CSMD1: variants seen among roughly 807,000 people sequenced by gnomAD.
CSMD1 encodes CUB and sushi domain-containing protein 1.
Under a neutral mutation model 417.5 loss-of-function variants are expected in CSMD1, and 213 were observed. That is an observed-to-expected ratio of 0.51 (90% CI 0.46 to 0.57). CSMD1 has a LOEUF of 0.57. Among genes scored for constraint, CSMD1 ranks in the 20% least tolerant of loss-of-function variants. The pLI is 0.00. For missense variants in CSMD1, 6,923 were observed against 4,529.7 expected (o/e 1.53, Z -15.17); for synonymous variants, 2,862 against 1,736.8 (o/e 1.65, Z -16.11).
intron 6 of CSMD1, among the ~76,000 whole-genome samples, chr8:3,737,036 C>T (rs974950369): frequency 6.6e-6 from 1 of 152,104 alleles, no homozygotes; most frequent in Non-Finnish European, 1.5e-5. Flanking sequence ...ATGATTACGT[C>T]CAATTATAAA....
chr8:4,032,971 A>G (rs72624059), intron 3 of CSMD1, among the ~76,000 whole-genome samples: 22,622 of 151,776 alleles, frequency 0.15, 2,399 homozygotes, highest in East Asian at 0.38. Context: ...TCCGATACGA[A>G]ACACTGACAA....
rs1202277401 is a variant in CSMD1, at chr8:3,998,168, G to C, written c.611-58C>G. 7.0e-6 allele frequency: 10 copies of C among 1,436,194 alleles called. No individual in the cohort carries two copies. The Admixed American group carries it at 8.1e-5, about 12-fold the overall frequency. 89.0% of individuals were successfully genotyped at this position (1,436,194 alleles called of 1,614,324 possible). On this transcript the variant is annotated intron_variant, in intron 4 of 69. Transcript: ENST00000635120. ...ATTTCAGGATGGTTTTCATACACGA[G>C]TGTGTCCACCAAGTGTCACTCTTGA... is the stretch of plus-strand genomic sequence containing the variant.
intron 50 of CSMD1, among the ~76,000 whole-genome samples, chr8:3,032,516 G>A (rs1379036976): frequency 3.9e-5 from 6 of 151,996 alleles, no homozygotes; most frequent in Non-Finnish European, 5.9e-5. Flanking sequence ...ATAAAATAAT[G>A]TGGCAAAAAT....
At chr8:3,068,779 C>T (rs73494476) in intron 49 of CSMD1, among the ~76,000 whole-genome samples, 4 of 152,080 alleles carry the variant, frequency 2.6e-5, no homozygotes, top group Non-Finnish European at 5.9e-5. Flanking sequence ...AGCAATAAGT[C>T]GTGAGGGATC....
chr8:3,196,835 G>C (rs910533279), intron 33 of CSMD1, among the ~76,000 whole-genome samples: 3 of 152,122 alleles, frequency 2.0e-5, no homozygotes, highest in African/African-American at 4.8e-5. Flanking sequence ...AGTGGATAAT[G>C]ACCATGCCCG....
chr8:3,677,394 C>A (rs1306365020), intron 7 of CSMD1, among the ~76,000 whole-genome samples: 1 of 151,950 alleles, frequency 6.6e-6, no homozygotes, highest in Non-Finnish European at 1.5e-5. Context: ...GAAAACATAC[C>A]CAGTTCAAGG....
chr8:4,137,540 G>C lies in CSMD1; in HGVS notation c.416-105441C>G, dbSNP rs1426817288. Among the ~76,000 whole-genome samples the C allele has an allele frequency of 3.0e-5, 4 of 131,148 alleles. 2 individuals are homozygous for C. Among genetic ancestry groups the C allele is most frequent in the South Asian group, 5.1e-4 (2 of 3,928 alleles). 86.0% of individuals were successfully genotyped at this position (131,148 alleles called of 152,430 possible). A position where few individuals can be genotyped will look rare whatever the true frequency, so the allele number is the denominator to read the frequency against. On this transcript the variant is annotated intron_variant, in intron 3 of 69. Transcript: ENST00000635120. ...TATGGTAGTGTTTAATATTCCATTT[G>C]TATTATGTTTTCTTTGATGGTTACA...
At chr8:2,951,036 C>T in intron 66 of CSMD1, 78 bp downstream of exon 66, 1 of 1,423,400 alleles carries the variant, frequency 7.0e-7, no homozygotes, top group Non-Finnish European at 9.6e-7. Flanking sequence ...TTAATACTTA[C>T]TAGATCACCT....
chr8:4,788,122 T>C (rs1317308823), intron 1 of CSMD1: 1 of 1,603,694 alleles, frequency 6.2e-7, no homozygotes, highest in African/African-American at 1.3e-5. Flanking sequence ...GTTGTAGTGT[T>C]GATGGGCTCT....
chr8:3,489,316 C>A (rs1019085366), intron 11 of CSMD1, among the ~76,000 whole-genome samples: 5 of 152,206 alleles, frequency 3.3e-5, no homozygotes, highest in Admixed American at 2.6e-4. Flanking sequence ...ACCCTACTTG[C>A]TCACAGATGT....
intron 3 of CSMD1, among the ~76,000 whole-genome samples, chr8:4,314,187 C>G (rs1798794474): frequency 6.6e-6 from 1 of 151,912 alleles, no homozygotes; most frequent in Non-Finnish European, 1.5e-5. Flanking sequence ...TTCCTTGGTT[C>G]CCTCATTATT....
At chr8:4,333,325 G>C (rs528708736) in intron 3 of CSMD1, among the ~76,000 whole-genome samples, 1 of 152,060 alleles carries the variant, frequency 6.6e-6, no homozygotes, top group Non-Finnish European at 1.5e-5. Context: ...ATCTAGATCC[G>C]AGAGAGATGA....
intron 5 of CSMD1, among the ~76,000 whole-genome samples, chr8:3,865,162 T>G (rs1804997552): frequency 6.6e-6 from 1 of 152,222 alleles, no homozygotes; most frequent in African/African-American, 2.4e-5. Context: ...AGGCTCCGAT[T>G]CCTTGGGTGT....
rs190618107 is a variant in CSMD1, at chr8:4,518,744, A to T, written c.303-98679T>A. The stretch of plus-strand genomic sequence containing the variant: ...ACTAACCTGCACGTTGTGCGCATGT[A>T]CCCTAAAACTTAAATTATAATAATA... On this transcript the variant is annotated intron_variant, in intron 2 of 69. Coordinates refer to ENST00000635120, the MANE Select transcript of CSMD1 (RefSeq NM_033225.6). Among the ~76,000 whole-genome samples the T allele has an allele frequency of 7.9e-5, 12 of 152,174 alleles. No individual in the cohort carries two copies. In the East Asian group the frequency reaches 1.7e-3, roughly 22 times the overall value.
At chr8:4,563,523 C>A (rs986343023) in intron 2 of CSMD1, among the ~76,000 whole-genome samples, 2 of 152,206 alleles carry the variant, frequency 1.3e-5, no homozygotes, top group South Asian at 2.1e-4. Context: ...CCCTGCCCCA[C>A]GCACTGATAC....
chr8:4,348,763 T>C (rs1321276594), intron 3 of CSMD1, among the ~76,000 whole-genome samples: 1 of 152,032 alleles, frequency 6.6e-6, no homozygotes, highest in Non-Finnish European at 1.5e-5. Context: ...TTGTAGAAAA[T>C]AAACTACGAA....
intron 9 of CSMD1, among the ~76,000 whole-genome samples, chr8:3,585,167 G>T (rs1196374810): frequency 6.6e-6 from 1 of 152,048 alleles, no homozygotes; most frequent in Admixed American, 6.5e-5. Flanking sequence ...CAGTAAATGG[G>T]GCCAAAGAGT....
At chr8:3,521,863 C>T (rs73503668) in intron 10 of CSMD1, among the ~76,000 whole-genome samples, 2,351 of 152,248 alleles carry the variant, frequency 0.015, 35 homozygotes, top group African/African-American at 0.04. Context: ...TATTCTAATA[C>T]CGCGGAACAG....
chr8:4,606,274 A>T (rs1487974460), intron 2 of CSMD1, among the ~76,000 whole-genome samples: 1 of 152,142 alleles, frequency 6.6e-6, no homozygotes, highest in Admixed American at 6.6e-5. Flanking sequence ...AATTAACCTA[A>T]GACAAGGGAC....
Sources: gnomAD v4.1 joint callset for allele counts (sites outside exome capture counted in the v4.1 genomes callset) on GRCh38, gnomAD v4.1.1 for gene constraint, MANE v1.5 for transcripts, NCBI Gene and HGNC (gene_info 2026-07-23, HGNC 2026-07-21) for gene names.